The following THRB variants were observed in gnomAD, a reference collection of about 807,000 sequenced individuals.
The protein encoded by THRB is nuclear receptor subfamily 1 group A member 2.
THRB carries 12 observed loss-of-function variants against 47.8 expected under a neutral mutation model. That is an observed-to-expected ratio of 0.25 (90% CI 0.16 to 0.41). The LOEUF is 0.41. Among genes scored for constraint, THRB ranks in the 10% least tolerant of loss-of-function variants. The pLI, the probability that THRB is intolerant of heterozygous loss-of-function variation, is 1.00. For missense variants in THRB, 348 were observed against 589.2 expected (o/e 0.59, Z 4.24); for synonymous variants, 218 against 212.2 (o/e 1.03, Z -0.24).
intron 4 of THRB, among the ~76,000 whole-genome samples, chr3:24,210,122 C>T (rs75242561): frequency 0.04 from 6,035 of 152,156 alleles, 174 homozygotes; most frequent in Non-Finnish European, 0.062. Context: ...GTTCAGGGGA[C>T]GGTGCTGCAA....
intron 5 of THRB, chr3:24,165,497 A>C (rs569392966): frequency 4.1e-5 from 24 of 591,774 alleles, no homozygotes; most frequent in East Asian, 2.8e-4. Context: ...AGATGAATAA[A>C]CACCACCACC....
chr3:24,271,116 T>TAGAA (rs1229547585), intron 3 of THRB, among the ~76,000 whole-genome samples: 1 of 152,210 alleles, frequency 6.6e-6, no homozygotes, highest in African/African-American at 2.4e-5. Context: ...TCGTTGAGGA[T>TAGAA]AGAAAGGCAG....
At chr3:24,484,705 G>T (rs574040613) in intron 1 of THRB, among the ~76,000 whole-genome samples, 6 of 152,260 alleles carry the variant, frequency 3.9e-5, no homozygotes, top group East Asian at 1.9e-4. Flanking sequence ...CACATATTGT[G>T]TATGTCTGTT....
chr3:24,482,971 T>C (rs956081844), intron 1 of THRB, among the ~76,000 whole-genome samples: 3 of 152,350 alleles, frequency 2.0e-5, no homozygotes, highest in African/African-American at 7.2e-5. Flanking sequence ...ATTTTTCTTT[T>C]ATATGTTCTC....
At chr3:24,435,372 A>T (rs1165281085) in intron 1 of THRB, among the ~76,000 whole-genome samples, 3 of 152,190 alleles carry the variant, frequency 2.0e-5, no homozygotes, top group Admixed American at 6.5e-5. Context: ...ATTAAAAAGG[A>T]TGATGTCAGA....
intron 3 of THRB, among the ~76,000 whole-genome samples, chr3:24,264,187 C>T (rs1025193707): frequency 2.6e-5 from 4 of 152,086 alleles, no homozygotes; most frequent in African/African-American, 9.7e-5. Flanking sequence ...TCCTTCTTTT[C>T]CTCAAATATA....
intron 8 of THRB, among the ~76,000 whole-genome samples, chr3:24,137,728 G>T (rs534264230): frequency 1.3e-5 from 2 of 152,216 alleles, no homozygotes; most frequent in East Asian, 3.9e-4. Flanking sequence ...AATGCAATGG[G>T]GCATCTACTG....
intron 5 of THRB, among the ~76,000 whole-genome samples, chr3:24,161,124 A>G (rs1420079245): frequency 6.6e-6 from 1 of 152,266 alleles, no homozygotes; most frequent in East Asian, 1.9e-4. Context: ...CTGGGTGCCA[A>G]GAGGCACTTT....
chr3:24,331,616 T>A (rs923400729), intron 2 of THRB, among the ~76,000 whole-genome samples: 1 of 152,164 alleles, frequency 6.6e-6, no homozygotes, highest in Admixed American at 6.5e-5. Context: ...TATGTATGCA[T>A]GTGTGTATGA....
At chr3:24,200,518 T>C (rs2044467760) in intron 4 of THRB, among the ~76,000 whole-genome samples, 1 of 152,218 alleles carries the variant, frequency 6.6e-6, no homozygotes, top group South Asian at 2.1e-4. Context: ...ACCCATATTC[T>C]TTCAACAGAT....
At chr3:24,246,904 TAAAC>T (rs2050162543) in intron 3 of THRB, among the ~76,000 whole-genome samples, 1 of 152,180 alleles carries the variant, frequency 6.6e-6, no homozygotes, top group African/African-American at 2.4e-5. Flanking sequence ...TTACCTACTA[TAAAC>T]AAACATGAAC....
intron 10 of THRB, among the ~76,000 whole-genome samples, chr3:24,123,739 A>G (rs10212284): frequency 0.08 from 12,180 of 152,130 alleles, 1,396 homozygotes; most frequent in African/African-American, 0.26. Flanking sequence ...ATGATTTTGG[A>G]ATTGAAATGA....
chr3:24,446,144 A>G (rs1212907545), intron 1 of THRB, among the ~76,000 whole-genome samples: 1 of 152,244 alleles, frequency 6.6e-6, no homozygotes, highest in African/African-American at 2.4e-5. Context: ...CAATACTGTC[A>G]TGAGAAATCA....
At chr3:24,389,954 A>G (rs1450429633) in intron 1 of THRB, among the ~76,000 whole-genome samples, 1 of 152,190 alleles carries the variant, frequency 6.6e-6, no homozygotes, top group African/African-American at 2.4e-5. Context: ...AATAAAAGGT[A>G]GCCAATGACA....
At chr3:24,167,627 G>A (rs905073769) in intron 5 of THRB, among the ~76,000 whole-genome samples, 1 of 151,766 alleles carries the variant, frequency 6.6e-6, no homozygotes, top group Admixed American at 6.6e-5. Flanking sequence ...TTTCTTTTTT[G>A]GCAAATGCAC....
intron 1 of THRB, among the ~76,000 whole-genome samples, chr3:24,339,265 T>C (rs1231961888): frequency 6.6e-6 from 1 of 152,200 alleles, no homozygotes; most frequent in African/African-American, 2.4e-5. Context: ...AATTAATAAG[T>C]TTGTATACAC....
intron 3 of THRB, among the ~76,000 whole-genome samples, chr3:24,236,130 T>C (rs543099013): frequency 4.1e-4 from 62 of 152,278 alleles, no homozygotes; most frequent in Non-Finnish European, 8.4e-4. Context: ...CCCCTTCTTT[T>C]CCTTATCCCC....
At chr3:24,230,280 C>A (rs1418361806) in intron 3 of THRB, among the ~76,000 whole-genome samples, 2 of 152,200 alleles carry the variant, frequency 1.3e-5, no homozygotes, top group African/African-American at 2.4e-5. Flanking sequence ...TCCCACCACA[C>A]TGTAATCTCT....
intron 8 of THRB, among the ~76,000 whole-genome samples, chr3:24,141,961 T>A (rs147253877): frequency 2.3e-4 from 35 of 152,322 alleles, no homozygotes; most frequent in African/African-American, 7.5e-4. Context: ...AATCCAGAAT[T>A]AGTGCTTTTG....
Sources: gnomAD v4.1 joint callset for allele counts (sites outside exome capture counted in the v4.1 genomes callset) on GRCh38, gnomAD v4.1.1 for gene constraint, MANE v1.5 for transcripts, NCBI Gene and HGNC (gene_info 2026-07-23, HGNC 2026-07-21) for gene names.